Variants in F8 observed in about 807,000 individuals in gnomAD.
The protein encoded by F8 is antihemophilic factor.
In F8, 12 loss-of-function variants were observed where a neutral mutation model predicts 140.6. The observed-to-expected ratio is 0.09, with a 90% confidence interval of 0.05 to 0.14. F8 has a LOEUF of 0.14. F8 is among the 10% of genes least tolerant of loss of function. The pLI, the probability that F8 is intolerant of heterozygous loss-of-function variation, is 1.00. For missense variants in F8, 1,354 were observed against 1,720.7 expected, an observed-to-expected ratio of 0.79 and a Z score of 3.77; for synonymous variants, 585 against 614.6, an observed-to-expected ratio of 0.95 and a Z score of 0.71.
intron 25 of F8, among the ~76,000 whole-genome samples, chrX:154,845,005 T>A (rs57641906): frequency 9.0e-6 from 1 of 111,270 alleles, no homozygotes; most frequent in Non-Finnish European, 1.9e-5. Flanking sequence ...GCATGAAGTG[T>A]TGTTGAATTT....
chrX:154,944,355 C>T (rs1432684122), intron 13 of F8, among the ~76,000 whole-genome samples: 6 of 110,187 alleles, frequency 5.4e-5, no homozygotes, highest in Non-Finnish European at 9.5e-5. Flanking sequence ...AAAAAGTGGG[C>T]GAAGGACATG....
At chrX:155,014,053 A>G (rs2073722692) in intron 1 of F8, among the ~76,000 whole-genome samples, 1 of 111,687 alleles carries the variant, frequency 9.0e-6, no homozygotes, top group African/African-American at 3.3e-5. Flanking sequence ...GAGACAATTC[A>G]GTCCATAGCG....
At chrX:154,965,519 C>G (rs1165052075) in intron 9 of F8, among the ~76,000 whole-genome samples, 1 of 111,494 alleles carries the variant, frequency 9.0e-6, no homozygotes, top group African/African-American at 3.3e-5. Context: ...TTTGTGAGCC[C>G]TATCTAGCCT....
chrX:154,845,413 G>A (rs181422167), intron 25 of F8, among the ~76,000 whole-genome samples: 7 of 111,241 alleles, frequency 6.3e-5, no homozygotes, highest in African/African-American at 1.3e-4. Flanking sequence ...GTGTGAATCC[G>A]TCTGGTCCTG....
At chrX:154,857,856 G>A (rs2148565242) in intron 25 of F8, among the ~76,000 whole-genome samples, 2 of 112,405 alleles carry the variant, frequency 1.8e-5, no homozygotes, top group East Asian at 5.6e-4. Flanking sequence ...TAAATATGAT[G>A]GGCCGGGTGC....
rs2073444610 is a variant in F8 at position 154,969,498 on chromosome X, G to T, written c.842C>A (p.Thr281Asn). The T allele has an allele frequency of 3.3e-6, 4 of 1,211,476 alleles. No homozygotes were observed. Among genetic ancestry groups the T allele is most frequent in the Non-Finnish European group, 4.5e-6 (4 of 895,363 alleles). The change falls in exon 7 of 26, where the codon ACC becomes AAC. Residue 281 changes from threonine to asparagine, a missense_variant. Physicochemically the swap from Thr to Asn is moderately conservative, Grantham distance 65. Transcript: ENST00000360256. ...SVYWHVIGMG[T>N]TPEVHSIFLE... is the part of the protein sequence containing the mutation. ...GAATATTGAGTGCACTTCAGGAGTG[G>T]TGCCCATTCCAATCACATGCCAATA...
rs782481218 is a variant in F8 at position 154,876,283 on chromosome X, C to A, written c.6430-13056G>T. Among the ~76,000 whole-genome samples, 60 of 109,823 alleles carry A rather than the reference C, an allele frequency of 5.5e-4. 1 individual carries two copies. The highest frequency in any genetic ancestry group is 1.9e-3 in the African/African-American group (58 of 30,027). On this transcript the variant is annotated intron_variant, in intron 22 of 25. Transcript: ENST00000360256. ...TACAGGCGCCCACCACCACACCCAG[C>A]TAATGTTTTGTATTTTTAGTAGAGA...
At chrX:154,914,733 C>T (rs1380179106) in intron 14 of F8, among the ~76,000 whole-genome samples, 1 of 111,957 alleles carries the variant, frequency 8.9e-6, no homozygotes, top group Non-Finnish European at 1.9e-5. Context: ...CTAGGAAGTT[C>T]CAAACTTTCC....
chrX:154,954,177 G>T, intron 11 of F8, 135 bp from the exon 12 acceptor site: 1 of 672,080 alleles, frequency 1.5e-6, no homozygotes, highest in Non-Finnish European at 2.3e-6. Flanking sequence ...TTCCTCTTAG[G>T]CATGTACCAG....
intron 22 of F8, among the ~76,000 whole-genome samples, chrX:154,881,179 C>T (rs1255851682): frequency 3.7e-5 from 3 of 80,679 alleles, no homozygotes; most frequent in South Asian, 7.0e-4. Context: ...AATCAGACCA[C>T]GTCACTCCCA....
intron 1 of F8, among the ~76,000 whole-genome samples, chrX:155,018,265 T>C (rs1412695298): frequency 8.9e-6 from 1 of 112,190 alleles, no homozygotes; most frequent in African/African-American, 3.2e-5. Context: ...GATAAGTCTC[T>C]GGAATGTTAA....
intron 21 of F8, chrX:154,897,703 C>T (rs1328620667): frequency 8.9e-6 from 1 of 112,359 alleles, no homozygotes; most frequent in Non-Finnish European, 1.9e-5. Flanking sequence ...ACTGAATTGA[C>T]TTTTACTGTT....
intron 22 of F8, among the ~76,000 whole-genome samples, chrX:154,870,150 T>C (rs1357542938): frequency 4.5e-5 from 5 of 112,211 alleles, no homozygotes; most frequent in Non-Finnish European, 7.5e-5. Context: ...CTTCTGAAAC[T>C]ATTCCAAACA....
chrX:155,019,937 A>C (rs1309659454), intron 1 of F8, among the ~76,000 whole-genome samples: 2 of 112,427 alleles, frequency 1.8e-5, no homozygotes, highest in Non-Finnish European at 3.8e-5. Flanking sequence ...TAATAAGAAA[A>C]ATATTTAAAT....
At chrX:154,906,382 AAATT>A in intron 15 of F8, 34 bp downstream of exon 15, 1 of 1,163,424 alleles carries the variant, frequency 8.6e-7, no homozygotes, top group Non-Finnish European at 1.2e-6. Context: ...TAAATATATA[AAATT>A]AATTTTCTTG....
rs782225135 is a variant in F8, at chrX:154,969,416, C to T, written c.924G>A (p.Ser308=). ...RNHRQASLEI[S]PITFLTAQTL... ...TTTGAGCAGTAAGGAAAGTTATTGG[C>T]GAGATTTCCAAGGACGCCTGGCGAT... The change falls in exon 7 of 26, where the codon TCG becomes TCA. Residue 308 remains serine (S), a synonymous_variant. Coordinates refer to ENST00000360256, the MANE Select transcript of F8 (RefSeq NM_000132.4). 4.1e-6 allele frequency: 5 copies of T among 1,211,283 alleles called. No individual in the cohort carries two copies. In the South Asian group the frequency reaches 7.0e-5, roughly 17 times the overall value.
In F8 at chrX:154,904,925, G is replaced by A; in HGVS notation, c.5472C>T (p.Asn1824=). Residue 1824 remains asparagine (N), a synonymous_variant, in exon 16 of 26, where the codon AAC becomes AAT. Transcript: ENST00000360256. The stretch of plus-strand genomic sequence containing the variant: ...TTTTGGTTTCATTAGGCTTGACAAA[G>A]TTTTTTCTAGGTTCTGCTCCTTGCC... ...DQRQGAEPRK[N]FVKPNETKTY... is the part of the protein sequence containing the mutation. 1 of 1,209,588 alleles carries A rather than the reference G, an allele frequency of 8.3e-7. No individual in the cohort carries two copies.
chrX:154,943,337 A>C (rs782199612), intron 13 of F8, among the ~76,000 whole-genome samples: 19 of 112,174 alleles, frequency 1.7e-4, no homozygotes, highest in Admixed American at 9.5e-4. Context: ...ATACAAAATC[A>C]ATGTACAAAA....
intron 14 of F8, among the ~76,000 whole-genome samples, chrX:154,911,054 C>T (rs2073064402): frequency 1.8e-5 from 2 of 108,712 alleles, no homozygotes; most frequent in African/African-American, 6.7e-5. Flanking sequence ...TCCTGCTGAC[C>T]CTCTCTCCAC....
Sources: gnomAD v4.1 joint callset for allele counts (sites outside exome capture counted in the v4.1 genomes callset) on GRCh38, gnomAD v4.1.1 for gene constraint, MANE v1.5 for transcripts, NCBI Gene and HGNC (gene_info 2026-07-23, HGNC 2026-07-21) for gene names.